Variants in MACROD2 observed in about 807,000 individuals in gnomAD.
The protein encoded by MACROD2 is ADP-ribose glycohydrolase MACROD2.
In MACROD2, 36 loss-of-function variants were observed where a neutral mutation model predicts 70.4. The ratio of observed to expected loss-of-function variants is 0.51; its 90% CI spans 0.39 to 0.68. The LOEUF (loss-of-function observed/expected upper bound fraction) is 0.68, where lower values mean the gene tolerates loss of function less well. Among genes scored for constraint, MACROD2 ranks in the 30% least tolerant of loss-of-function variants. The pLI is 0.00. For synonymous variants in MACROD2, 172 were observed against 178.8 expected, an observed-to-expected ratio of 0.96 and a Z score of 0.30; for missense variants, 496 against 538.4, an observed-to-expected ratio of 0.92 and a Z score of 0.78.
intron 5 of MACROD2, among the ~76,000 whole-genome samples, chr20:14,874,626 A>G (rs1185459291): frequency 1.3e-5 from 2 of 151,842 alleles, no homozygotes; most frequent in Non-Finnish European, 2.9e-5. Context: ...TCTGGCACAG[A>G]ACAAGGAATT....
chr20:15,225,274 C>G (rs2145973118), intron 5 of MACROD2, among the ~76,000 whole-genome samples: 1 of 152,008 alleles, frequency 6.6e-6, no homozygotes, highest in East Asian at 1.9e-4. Context: ...ATGATATAAG[C>G]TCATCTTTGG....
At chr20:15,692,694 C>G (rs376517013) in intron 8 of MACROD2, among the ~76,000 whole-genome samples, 25 of 152,224 alleles carry the variant, frequency 1.6e-4, no homozygotes, top group African/African-American at 6.0e-4. Context: ...GTCCTAATGA[C>G]AAAAGTAATA....
chr20:15,196,513 G>A (rs1163755603), intron 5 of MACROD2, among the ~76,000 whole-genome samples: 1 of 152,116 alleles, frequency 6.6e-6, no homozygotes, highest in Non-Finnish European at 1.5e-5. Flanking sequence ...TAATCCTTGG[G>A]ATTATACCTT....
chr20:14,868,452 C>T (rs898395094), intron 5 of MACROD2, among the ~76,000 whole-genome samples: 4 of 152,032 alleles, frequency 2.6e-5, no homozygotes, highest in Admixed American at 6.6e-5. Context: ...AGACATGAGC[C>T]ACCATGCCTG....
intron 5 of MACROD2, among the ~76,000 whole-genome samples, chr20:15,035,053 AG>A (rs1310024150): frequency 6.6e-6 from 1 of 152,182 alleles, no homozygotes; most frequent in African/African-American, 2.4e-5. Flanking sequence ...GCAGGATTCA[AG>A]AAGCCCATTT....
intron 9 of MACROD2, among the ~76,000 whole-genome samples, chr20:15,877,149 C>T (rs1004797830): frequency 6.6e-5 from 10 of 152,094 alleles, no homozygotes; most frequent in African/African-American, 1.7e-4. Flanking sequence ...TCTTTCTGAC[C>T]GTCATCTGTG....
At chr20:15,023,422 G>T (rs568525980) in intron 5 of MACROD2, among the ~76,000 whole-genome samples, 2 of 152,070 alleles carry the variant, frequency 1.3e-5, no homozygotes, top group Admixed American at 1.3e-4. Flanking sequence ...CCCAGAGAGG[G>T]CATGCTTTCC....
At chr20:15,996,816 G>T (rs2066638796) in intron 15 of MACROD2, among the ~76,000 whole-genome samples, 1 of 152,046 alleles carries the variant, frequency 6.6e-6, no homozygotes, top group Admixed American at 6.5e-5. Context: ...TGTCTTTTAT[G>T]TGAGTTTTAT....
chr20:14,790,172 T>C (rs1431620221), intron 5 of MACROD2, among the ~76,000 whole-genome samples: 2 of 152,136 alleles, frequency 1.3e-5, no homozygotes, highest in African/African-American at 2.4e-5. Context: ...AAATAAAAAC[T>C]GCATGTAAAA....
chr20:14,064,458 T>G (rs755203177), intron 2 of MACROD2, among the ~76,000 whole-genome samples: 14 of 152,176 alleles, frequency 9.2e-5, no homozygotes, highest in Non-Finnish European at 1.6e-4. Flanking sequence ...AATTATCTTC[T>G]TTCCCAAGCT....
intron 5 of MACROD2, among the ~76,000 whole-genome samples, chr20:14,686,621 C>G (rs946520002): frequency 6.6e-6 from 1 of 152,086 alleles, no homozygotes; most frequent in African/African-American, 2.4e-5. Context: ...CAGTAACATG[C>G]TGTACAGGTT....
intron 4 of MACROD2, among the ~76,000 whole-genome samples, chr20:14,645,120 T>G (rs1985313040): frequency 6.6e-6 from 1 of 152,150 alleles, no homozygotes; most frequent in Admixed American, 6.6e-5. Context: ...TCCCCTTCAG[T>G]GTTATTTTTG....
chr20:14,896,245 A>G (rs1463233694), intron 5 of MACROD2, among the ~76,000 whole-genome samples: 1 of 152,168 alleles, frequency 6.6e-6, no homozygotes, highest in African/African-American at 2.4e-5. Context: ...CAGTGAGCAG[A>G]GATTGCACCA....
chr20:15,850,015 G>A (rs2064278869), intron 8 of MACROD2, among the ~76,000 whole-genome samples: 1 of 152,204 alleles, frequency 6.6e-6, no homozygotes, highest in Non-Finnish European at 1.5e-5. Context: ...TTATCGGAGT[G>A]AGAAGATGAA....
chr20:14,169,006 A>C lies in MACROD2; in HGVS notation c.271+83278A>C, dbSNP rs6135076. The stretch of plus-strand genomic sequence containing the variant: ...CAGCATATCAGAAAGATAATCCACC[A>C]TGATTAAGTGGGTTTCATACCAGGG... On this transcript the variant is annotated intron_variant, in intron 3 of 17. Coordinates refer to ENST00000684519, the MANE Select transcript of MACROD2 (RefSeq NM_001351661.2). Among the ~76,000 whole-genome samples the C allele has an allele frequency of 3.7e-4, 57 of 152,334 alleles. No homozygotes were observed. In the East Asian group the frequency reaches 0.011, roughly 28 times the overall value.
At chr20:16,003,681 T>C (rs932513468) in intron 15 of MACROD2, among the ~76,000 whole-genome samples, 9 of 152,214 alleles carry the variant, frequency 5.9e-5, no homozygotes, top group Non-Finnish European at 1.2e-4. Context: ...ATGTTGCTTT[T>C]TCTTTTAGAG....
intron 8 of MACROD2, among the ~76,000 whole-genome samples, chr20:15,664,403 A>G (rs1326846335): frequency 6.6e-6 from 1 of 152,232 alleles, no homozygotes; most frequent in Non-Finnish European, 1.5e-5. Flanking sequence ...TATTTCTTGT[A>G]GTAGGTAATT....
rs143003790 is a variant in MACROD2 at position 14,803,606 on chromosome 20, G to A, written c.418+118647G>A. On this transcript the variant is annotated intron_variant, in intron 5 of 17. Coordinates refer to ENST00000684519, the MANE Select transcript of MACROD2 (RefSeq NM_001351661.2). Reference sequence around the variant, plus strand: ...AGTGATTCTCCAGCCTCAGCCTCCCGAGTAGCTGGGATTACAGGTGTGCAC... The same window carrying A: ...AGTGATTCTCCAGCCTCAGCCTCCCAAGTAGCTGGGATTACAGGTGTGCAC... 9.5e-3 allele frequency among the ~76,000 whole-genome samples: 1,448 copies of A among 151,838 alleles called. 27 individuals are homozygous for A. Among genetic ancestry groups the A allele is most frequent in the Middle Eastern group, 0.034 (10 of 294 alleles).
chr20:15,508,620 C>A (rs968578372), intron 8 of MACROD2, among the ~76,000 whole-genome samples: 1 of 152,178 alleles, frequency 6.6e-6, no homozygotes, highest in African/African-American at 2.4e-5. Flanking sequence ...CTTTCATGTT[C>A]TACTATAACC....
Sources: allele counts gnomAD v4.1 joint callset (sites outside exome capture counted in the v4.1 genomes callset), GRCh38; gene constraint gnomAD v4.1.1; transcripts MANE v1.5; gene names NCBI Gene and HGNC (gene_info 2026-07-23, HGNC 2026-07-21).